Variants in FAM135B observed in about 807,000 individuals in gnomAD.
FAM135B encodes the protein family with sequence similarity 135 member B, also known as protein FAM135B.
A neutral mutation model predicts 127.7 loss-of-function variants in FAM135B; 43 were observed. The ratio of observed to expected loss-of-function variants is 0.34; its 90% CI spans 0.26 to 0.43. The LOEUF (loss-of-function observed/expected upper bound fraction) is 0.43, where lower values mean the gene tolerates loss of function less well. Ranked by LOEUF, FAM135B falls within the 20% of genes least tolerant of loss-of-function variation. The pLI, the probability that FAM135B is intolerant of heterozygous loss-of-function variation, is 1.00. For synonymous variants in FAM135B, 670 were observed against 665.1 expected, an observed-to-expected ratio of 1.01 and a Z score of -0.11; for missense variants, 1,558 against 1,725.6, an observed-to-expected ratio of 0.90 and a Z score of 1.72.
intron 7 of FAM135B, among the ~76,000 whole-genome samples, chr8:138,236,326 A>C (rs1353574407): frequency 6.6e-6 from 1 of 152,104 alleles, no homozygotes; most frequent in Non-Finnish European, 1.5e-5. Context: ...TTGGCGCATT[A>C]TTCACAAAAG....
chr8:138,403,325 C>T (rs1025171092), intron 1 of FAM135B, among the ~76,000 whole-genome samples: 2 of 152,128 alleles, frequency 1.3e-5, no homozygotes, highest in Admixed American at 1.3e-4. Flanking sequence ...CGTGAGAGAA[C>T]CAGCCCTGCA....
chr8:138,157,286 G>A (rs1818857116), intron 12 of FAM135B, among the ~76,000 whole-genome samples: 1 of 152,082 alleles, frequency 6.6e-6, no homozygotes, highest in South Asian at 2.1e-4. Context: ...AGGTATTGAT[G>A]GGACATATCT....
chr8:138,496,046 C>G (rs1229527061), intron 1 of FAM135B, among the ~76,000 whole-genome samples: 5 of 152,120 alleles, frequency 3.3e-5, no homozygotes, highest in Admixed American at 6.5e-5. Flanking sequence ...TATTTCTATT[C>G]CCATCCTATC....
chr8:138,322,916 T>C (rs926371089), intron 2 of FAM135B, among the ~76,000 whole-genome samples: 3 of 152,196 alleles, frequency 2.0e-5, no homozygotes, highest in Admixed American at 6.5e-5. Flanking sequence ...AAAGAGGCCT[T>C]GGTGTTCCAA....
intron 2 of FAM135B, among the ~76,000 whole-genome samples, chr8:138,323,005 G>A (rs1009415065): frequency 8.5e-5 from 13 of 152,164 alleles, no homozygotes; most frequent in African/African-American, 2.4e-4. Context: ...GACAGTATGC[G>A]CCCACCACTG....
In FAM135B at chr8:138,376,064, G is replaced by A. The variant is rs188356796; in HGVS notation, c.-19-8062C>T. Among the ~76,000 whole-genome samples, 12 of 152,224 alleles carry A rather than the reference G, an allele frequency of 7.9e-5. No homozygotes were observed. The East Asian group carries it at 2.1e-3, about 27-fold the overall frequency. ...GCTGGAGTGAGGTGGCATGATCTCGGCTCACTGCAACCTCCGCCTCCTGGG... is the reference window on the plus strand; with the variant it reads ...GCTGGAGTGAGGTGGCATGATCTCGACTCACTGCAACCTCCGCCTCCTGGG... On this transcript the variant is annotated intron_variant, in intron 1 of 19. Transcript: ENST00000395297.
At position 138,141,235 on chromosome 8, in the gene FAM135B, C is replaced by A; in HGVS notation, c.3753G>T (p.Leu1251=). Residue 1251 remains leucine, a synonymous_variant, in exon 17 of 20, where the codon CTG becomes CTT. Coordinates refer to ENST00000395297, the MANE Select transcript of FAM135B (RefSeq NM_015912.4). This position sits in a 1 kb window ranked among gnomAD's most constrained non-coding sequence, Gnocchi z 4.7. The part of the protein sequence containing the change: ...HTFLSLSGPH[L]GTLYNNSTLV... The stretch of plus-strand genomic sequence containing the variant: ...GGGTGCTGTTGTTGTACAGGGTTCC[C>A]AGGTGAGGCCCAGAGAGTGACAGGA... 1 of 1,614,088 alleles carries A rather than the reference C, an allele frequency of 6.2e-7. No homozygotes were observed. The highest frequency in any genetic ancestry group is 1.1e-5 in the South Asian group (1 of 91,072).
intron 2 of FAM135B, among the ~76,000 whole-genome samples, chr8:138,320,640 A>G (rs773441721): frequency 5.9e-5 from 9 of 152,224 alleles, no homozygotes; most frequent in Non-Finnish European, 1.3e-4. Context: ...ACTAATGAAC[A>G]TCTGTTCTCA....
chr8:138,349,517 T>C (rs571776866), intron 2 of FAM135B, among the ~76,000 whole-genome samples: 3 of 152,340 alleles, frequency 2.0e-5, no homozygotes, highest in African/African-American at 7.2e-5. Flanking sequence ...TAGCAGGATA[T>C]AGTAGGGATT....
intron 2 of FAM135B, among the ~76,000 whole-genome samples, chr8:138,312,544 AC>A (rs1309347393): frequency 3.9e-5 from 6 of 152,170 alleles, no homozygotes; most frequent in African/African-American, 1.4e-4. Flanking sequence ...AGAAAATTAT[AC>A]AAAAAAAAGC....
At chr8:138,233,931 A>G (rs2130249378) in intron 7 of FAM135B, among the ~76,000 whole-genome samples, 1 of 152,336 alleles carries the variant, frequency 6.6e-6, no homozygotes, top group South Asian at 2.1e-4. Flanking sequence ...ATATGAAATG[A>G]TACTCAGCAT....
chr8:138,386,027 C>T (rs1437156289), intron 1 of FAM135B, among the ~76,000 whole-genome samples: 3 of 151,938 alleles, frequency 2.0e-5, no homozygotes. Flanking sequence ...TCGAGACCAG[C>T]CTGACACGGT....
At chr8:138,255,663 C>T (rs1822028376) in intron 5 of FAM135B, among the ~76,000 whole-genome samples, 1 of 152,206 alleles carries the variant, frequency 6.6e-6, no homozygotes. Flanking sequence ...AAAGAGCTAA[C>T]TGCAAGGAAT....
rs114108796 is a variant in FAM135B, at chr8:138,242,153, T to C, written c.669+789A>G. ...CAAAATCATGTGAGTCAATTACTTATGATAAATCTCTTTGTGTGTGTGTGT... is the reference window on the plus strand; with the variant it reads ...CAAAATCATGTGAGTCAATTACTTACGATAAATCTCTTTGTGTGTGTGTGT... On this transcript the variant is annotated intron_variant, in intron 7 of 19. Transcript: ENST00000395297. The surrounding 1 kb of genome is among the most constrained non-coding windows in gnomAD (Gnocchi z 9.6). 2.2e-3 allele frequency among the ~76,000 whole-genome samples: 331 copies of C among 148,014 alleles called. No homozygotes were observed. Among genetic ancestry groups the C allele is most frequent in the African/African-American group, 7.8e-3 (311 of 39,960 alleles).
chr8:138,231,862 T>A (rs1436895041), intron 7 of FAM135B, among the ~76,000 whole-genome samples: 1 of 152,094 alleles, frequency 6.6e-6, no homozygotes, highest in Non-Finnish European at 1.5e-5. Flanking sequence ...TGTTACAAGA[T>A]CCATGGGTTT....
chr8:138,325,220 C>A (rs756660969), intron 2 of FAM135B, among the ~76,000 whole-genome samples: 1 of 152,166 alleles, frequency 6.6e-6, no homozygotes, highest in Non-Finnish European at 1.5e-5. Context: ...TTTGTCCAAT[C>A]AAATTGTGTT....
intron 1 of FAM135B, chr8:138,441,515 C>T (rs1835764446): frequency 6.6e-6 from 1 of 152,200 alleles, no homozygotes; most frequent in Non-Finnish European, 1.5e-5. Flanking sequence ...GTGTGAAGAA[C>T]TAAATACACT....
At chr8:138,354,879 CTCTT>C (rs1745163347) in intron 2 of FAM135B, among the ~76,000 whole-genome samples, 1 of 152,062 alleles carries the variant, frequency 6.6e-6, no homozygotes, top group Admixed American at 6.5e-5. Context: ...CTCATTCACT[CTCTT>C]TTTTTCTAGG....
intron 1 of FAM135B, chr8:138,436,928 C>T (rs1418978868): frequency 6.6e-6 from 1 of 152,160 alleles, no homozygotes; most frequent in Non-Finnish European, 1.5e-5. Context: ...TGGAGATTTC[C>T]TTGCCTTTGT....
Sources: allele counts gnomAD v4.1 joint callset (sites outside exome capture counted in the v4.1 genomes callset), GRCh38; gene constraint gnomAD v4.1.1; non-coding constraint Gnocchi (gnomAD v3.1); transcripts MANE v1.5; gene names NCBI Gene and HGNC (gene_info 2026-07-23, HGNC 2026-07-21).